The following ZNF66 variants were observed in gnomAD, a reference collection of about 807,000 sequenced individuals.
ZNF66 encodes zinc finger protein 66, also known as putative zinc finger protein 66.
Under a neutral mutation model 35.2 loss-of-function variants are expected in ZNF66, and 32 were observed. The observed-to-expected ratio is 0.91, with a 90% CI of 0.69 to 1.22. ZNF66 has a LOEUF of 1.22. Ranked by LOEUF, ZNF66 falls within the 50% of genes most tolerant of loss-of-function variation. The pLI is 0.00. For synonymous variants in ZNF66, 231 were observed against 181.3 expected (o/e 1.27, Z -2.20); for missense variants, 666 against 543.1 (o/e 1.23, Z -2.25).
At chr19:20,782,054 T>G (rs945795519) in intron 1 of ZNF66, among the ~76,000 whole-genome samples, 3 of 152,170 alleles carry the variant, frequency 2.0e-5, no homozygotes, top group African/African-American at 7.2e-5. Context: ...CTCTCCTACC[T>G]CATCTTCCCA....
Position 20,809,918 on chromosome 19 carries a change from G to T in ZNF66, c.*2596G>T, listed in dbSNP as rs981944304. On this transcript the variant is annotated 3_prime_UTR_variant, in exon 4 of 4. Coordinates refer to ENST00000344519, the MANE Select transcript of ZNF66 (RefSeq NM_001355197.2). ...ATAAATAGTCAAGACCCATCAGGGT[G>T]CTGTATTCAGGAAACCCATCTCACG... Among the ~76,000 whole-genome samples the T allele has an allele frequency of 4.6e-5, 7 of 152,142 alleles. No individual in the cohort carries two copies. Among genetic ancestry groups the T allele is most frequent in the Admixed American group, 3.3e-4 (5 of 15,276 alleles).
chr19:20,803,124 C>T (rs1971465290), intron 3 of ZNF66, among the ~76,000 whole-genome samples: 1 of 152,046 alleles, frequency 6.6e-6, no homozygotes, highest in Admixed American at 6.6e-5. Context: ...TAGATCTCAA[C>T]TGACTCTTGT....
rs755493158 is a variant in ZNF66 at position 20,805,843 on chromosome 19, T to G, written c.243T>G (p.Phe81Leu). 1.1e-5 allele frequency: 6 copies of G among 570,934 alleles called. No homozygotes were observed. Among genetic ancestry groups the G allele is most frequent in the African/African-American group, 3.8e-5 (2 of 52,334 alleles). 35.4% of individuals were successfully genotyped at this position (570,934 alleles called of 1,614,324 possible). A position where few individuals can be genotyped will look rare whatever the true frequency, so the allele number is the denominator to read the frequency against. The change falls in exon 4 of 4, where the codon TTT (phenylalanine) becomes TTG (leucine). Residue 81 changes from phenylalanine to leucine, a missense_variant. Transcript: ENST00000344519. ...VANPSVLCSH[F>L]NQDLWPEQSI... ...TTCTTTCAGTTTTGTGTTCTCATTT[T>G]AACCAAGACCTTTGGCCAGAGCAGA...
In ZNF66 at chr19:20,806,452, C is replaced by G. The variant is rs758053826; in HGVS notation, c.852C>G (p.Pro284=). The G allele has an allele frequency of 9.3e-5, 144 of 1,543,862 alleles. No individual in the cohort carries two copies. The highest frequency in any genetic ancestry group is 1.2e-4 in the Non-Finnish European group (138 of 1,116,952). The change falls in exon 4 of 4, where the codon CCC becomes CCG. Residue 284 remains proline, a synonymous_variant. Coordinates refer to ENST00000344519, the MANE Select transcript of ZNF66 (RefSeq NM_001355197.2). The stretch of plus-strand genomic sequence containing the variant: ...AGAGAATTCATACTGGAGAGAAACC[C>G]TACAAATGTGAAGAATGTGGCAAAG... The part of the protein sequence containing the change: ...THKRIHTGEK[P]YKCEECGKVF...
chr19:20,776,697 G>A (rs1055434797), intron 1 of ZNF66, among the ~76,000 whole-genome samples: 3 of 152,228 alleles, frequency 2.0e-5, no homozygotes, highest in African/African-American at 7.2e-5. Context: ...GCAGTGCCGT[G>A]TCTCTCCCAG....
intron 1 of ZNF66, among the ~76,000 whole-genome samples, chr19:20,781,475 G>T (rs1195153136): frequency 6.6e-6 from 1 of 151,470 alleles, no homozygotes; most frequent in Admixed American, 6.6e-5. Context: ...ATAAATGATA[G>T]TACATTCATT....
Position 20,793,827 on chromosome 19 carries a change from G to T in ZNF66, c.175G>T (p.Gly59Ter). 8.6e-7 allele frequency: 1 copy of T among 1,162,392 alleles called. No individual in the cohort carries two copies. The highest frequency in any genetic ancestry group is 1.7e-5 in the South Asian group (1 of 59,098). The allele number at this position is 1,162,392 out of a possible 1,614,324, so 72.0% of individuals were successfully genotyped here. The change falls in exon 3 of 4, where the codon GGA becomes TGA. Residue 59 changes from glycine (G) to a stop codon, truncating the protein, a stop_gained. Transcript: ENST00000344519. LOFTEE classifies it high-confidence loss of function. ...KPDLITHLEQ[G>*]KKPSTMQRHE... is the part of the protein sequence containing the mutation. ...AGACCTCATCACCCATCTGGAGCAA[G>T]GAAAAAAACCTTCGACTATGCAGAG... is the stretch of plus-strand genomic sequence containing the variant.
chr19:20,779,589 G>T (rs1056746496), intron 1 of ZNF66, among the ~76,000 whole-genome samples: 1 of 152,052 alleles, frequency 6.6e-6, no homozygotes, highest in African/African-American at 2.4e-5. Context: ...AACACTTTGG[G>T]AGTCTGAGGC....
At chr19:20,780,114 G>A (rs1266949162) in intron 1 of ZNF66, among the ~76,000 whole-genome samples, 1 of 151,650 alleles carries the variant, frequency 6.6e-6, no homozygotes, top group South Asian at 2.1e-4. Flanking sequence ...ATTATTTTGA[G>A]CACTGAAGAC....
intron 3 of ZNF66, among the ~76,000 whole-genome samples, chr19:20,800,061 G>C (rs1393482927): frequency 1.3e-5 from 2 of 152,160 alleles, no homozygotes; most frequent in African/African-American, 4.8e-5. Flanking sequence ...CTGTCACCCA[G>C]GCTCCAATGC....
intron 3 of ZNF66, among the ~76,000 whole-genome samples, chr19:20,803,149 A>G (rs78723816): frequency 3.2e-3 from 370 of 115,208 alleles, no homozygotes; most frequent in Admixed American, 4.4e-3. Flanking sequence ...AGGCAAGTTG[A>G]ATCTTGATTT....
intron 1 of ZNF66, chr19:20,784,455 A>G (rs1203892813): frequency 2.0e-5 from 3 of 152,148 alleles, no homozygotes; most frequent in Non-Finnish European, 2.9e-5. Context: ...CTTTTATTTC[A>G]CTAAATTGGT....
chr19:20,806,421 C>T lies in ZNF66; in HGVS notation c.821C>T (p.Thr274Ile), dbSNP rs1399617001. The change falls in exon 4 of 4, where the codon ACA (threonine) becomes ATA (isoleucine). Residue 274 changes from threonine (T) to isoleucine (I), a missense_variant. Coordinates refer to ENST00000344519, the MANE Select transcript of ZNF66 (RefSeq NM_001355197.2). ...TTTAAGCGCTCCTCTATCCTTACTA[C>T]ACATAAGAGAATTCATACTGGAGAG... Reference protein sequence around the residue: ...KAFKRSSILTTHKRIHTGEKP... With the variant: ...KAFKRSSILTIHKRIHTGEKP... 1.3e-6 allele frequency: 2 copies of T among 1,558,464 alleles called. No individual in the cohort carries two copies. Among genetic ancestry groups the T allele is most frequent in the East Asian group, 2.2e-5 (1 of 44,528 alleles).
rs145085886 is a variant in ZNF66 at position 20,791,831 on chromosome 19, C to CT, written c.4-673dup. Among the ~76,000 whole-genome samples, 199 of 152,118 alleles carry CT rather than the reference C, an allele frequency of 1.3e-3. No individual in the cohort carries two copies. In the South Asian group the frequency reaches 0.019, roughly 15 times the overall value. On this transcript the variant is annotated intron_variant, in intron 1 of 3. Coordinates refer to ENST00000344519, the MANE Select transcript of ZNF66 (RefSeq NM_001355197.2). Reference sequence around the variant, plus strand: ...CTTGCTTAAATAGGTCTCTGACAGACTTTTTTTTACTATATAGCTAATTAT... The same window carrying CT: ...CTTGCTTAAATAGGTCTCTGACAGACTTTTTTTTTACTATATAGCTAATTAT...
intron 1 of ZNF66, among the ~76,000 whole-genome samples, chr19:20,788,655 A>G (rs1444516474): frequency 6.6e-6 from 1 of 152,074 alleles, no homozygotes; most frequent in African/African-American, 2.4e-5. Context: ...TACCCGCGTC[A>G]TCCTCCTGAA....
intron 1 of ZNF66, among the ~76,000 whole-genome samples, chr19:20,786,859 TA>T (rs560140573): frequency 6.8e-4 from 103 of 152,304 alleles, no homozygotes; most frequent in Non-Finnish European, 1.3e-3. Flanking sequence ...CCTCCTGGGT[TA>T]AAGCAGTTCT....
At position 20,786,266 on chromosome 19, in the gene ZNF66, A is replaced by G. The variant is rs146114344; in HGVS notation, c.4-6246A>G. The stretch of plus-strand genomic sequence containing the variant: ...TTGTGTCTCTGCCTATTTGGTATCT[A>G]GAGTTCTCTACAATCACTTCTAGAG... On this transcript the variant is annotated intron_variant, in intron 1 of 3. Coordinates refer to ENST00000344519, the MANE Select transcript of ZNF66 (RefSeq NM_001355197.2). Among the ~76,000 whole-genome samples the G allele has an allele frequency of 4.4e-3, 667 of 152,298 alleles. 5 individuals are homozygous for G. The highest frequency in any genetic ancestry group is 5.7e-3 in the Non-Finnish European group (389 of 68,028).
At chr19:20,805,021 A>G (rs1971486141) in intron 3 of ZNF66, among the ~76,000 whole-genome samples, 1 of 152,108 alleles carries the variant, frequency 6.6e-6, no homozygotes, top group Non-Finnish European at 1.5e-5. Flanking sequence ...CAGTGTCTAG[A>G]AAAGCCCCTA....
intron 3 of ZNF66, among the ~76,000 whole-genome samples, chr19:20,796,100 G>C (rs745702575): frequency 7.9e-5 from 12 of 152,066 alleles, no homozygotes; most frequent in Non-Finnish European, 1.0e-4. Flanking sequence ...CATAACCCAG[G>C]CTGGTCTCAA....
Sources: gnomAD v4.1 joint callset for allele counts (sites outside exome capture counted in the v4.1 genomes callset) on GRCh38, gnomAD v4.1.1 for gene constraint, MANE v1.5 for transcripts, NCBI Gene and HGNC (gene_info 2026-07-23, HGNC 2026-07-21) for gene names.